Variants in SYT1 observed in about 807,000 individuals in gnomAD.
SYT1 encodes the protein synaptotagmin-1.
Under a neutral mutation model 44.8 loss-of-function variants are expected in SYT1, and 8 were observed. The ratio of observed to expected loss-of-function variants is 0.18; its 90% confidence interval spans 0.10 to 0.32. The LOEUF is 0.32. SYT1 is among the 10% of genes least tolerant of loss of function. The probability of loss-of-function intolerance (pLI) is 1.00; values close to 1 mark genes in which losing one functional copy is unlikely to be tolerated. For missense variants in SYT1, 286 were observed against 509.3 expected, an observed-to-expected ratio of 0.56 and a Z score of 4.22; for synonymous variants, 154 against 188.8, an observed-to-expected ratio of 0.82 and a Z score of 1.51.
Position 79,231,934 on chromosome 12 carries a change from G to A in SYT1, c.166+14249G>A, listed in dbSNP as rs528635939. 2.6e-5 allele frequency among the ~76,000 whole-genome samples: 4 copies of A among 152,264 alleles called. No homozygotes were observed. In the East Asian group the frequency reaches 7.7e-4, roughly 29 times the overall value. ...ATTAGCAACTAACCGAGGTTCAGGA[G>A]AACATTGTTTGCTATGGTGAGCATC... On this transcript the variant is annotated intron_variant, in intron 4 of 10. Transcript: ENST00000261205.
chr12:78,906,381 T>A lies in SYT1; in HGVS notation c.-217+41272T>A, dbSNP rs540507970. Among the ~76,000 whole-genome samples the A allele has an allele frequency of 3.9e-5, 6 of 152,230 alleles. No individual in the cohort carries two copies. The South Asian group carries it at 1.0e-3, about 26-fold the overall frequency. ...TGGTGAGTACCTGCCAAGTACCTGA[T>A]TCTAAGGGCTGAAGATATAGCAGTG... On this transcript the variant is annotated intron_variant, in intron 1 of 10. Transcript: ENST00000261205.
intron 1 of SYT1, among the ~76,000 whole-genome samples, chr12:78,921,675 A>T (rs1877010797): frequency 6.6e-6 from 1 of 151,990 alleles, no homozygotes; most frequent in African/African-American, 2.4e-5. Flanking sequence ...TGCTGCCTTG[A>T]CACAGTCATA....
At chr12:79,122,156 C>T (rs991033802) in intron 3 of SYT1, among the ~76,000 whole-genome samples, 5 of 152,080 alleles carry the variant, frequency 3.3e-5, no homozygotes, top group East Asian at 1.9e-4. Context: ...CTTCATCACT[C>T]GTATAATTAG....
At chr12:78,911,111 T>C (rs1267344967) in intron 1 of SYT1, among the ~76,000 whole-genome samples, 1 of 152,008 alleles carries the variant, frequency 6.6e-6, no homozygotes, top group Non-Finnish European at 1.5e-5. Flanking sequence ...GCTTCAGTGT[T>C]GTAAATAGGT....
At chr12:79,223,852 G>T (rs528625068) in intron 4 of SYT1, among the ~76,000 whole-genome samples, 29 of 152,282 alleles carry the variant, frequency 1.9e-4, no homozygotes, top group African/African-American at 6.7e-4. Context: ...GTTTTACTGT[G>T]CAGTTGCAAT....
chr12:79,301,368 A>T (rs1880143553), intron 8 of SYT1, among the ~76,000 whole-genome samples: 1 of 152,172 alleles, frequency 6.6e-6, no homozygotes, highest in South Asian at 2.1e-4. Flanking sequence ...AATGTGGACC[A>T]TTGAGCAAGT....
At chr12:79,082,196 T>C (rs1877081178) in intron 3 of SYT1, among the ~76,000 whole-genome samples, 2 of 152,120 alleles carry the variant, frequency 1.3e-5, no homozygotes, top group Non-Finnish European at 2.9e-5. Flanking sequence ...TTTTCAGAGT[T>C]TTGTCATTTT....
chr12:79,398,491 A>G (rs752840959), intron 9 of SYT1, among the ~76,000 whole-genome samples: 1 of 152,212 alleles, frequency 6.6e-6, no homozygotes, highest in Non-Finnish European at 1.5e-5. Context: ...GACATAAAAT[A>G]TGTAATAGGA....
intron 9 of SYT1, among the ~76,000 whole-genome samples, chr12:79,399,670 G>T (rs976036797): frequency 6.6e-6 from 1 of 152,128 alleles, no homozygotes; most frequent in Non-Finnish European, 1.5e-5. Flanking sequence ...TCATGTAGAA[G>T]ATATTACAGA....
chr12:79,178,496 C>G (rs1287236142), intron 3 of SYT1, among the ~76,000 whole-genome samples: 2 of 151,954 alleles, frequency 1.3e-5, no homozygotes, highest in East Asian at 3.9e-4. Context: ...CACTTTGTAC[C>G]TTGCCTGTTC....
chr12:79,150,192 G>A (rs184486352), intron 3 of SYT1, among the ~76,000 whole-genome samples: 15 of 152,100 alleles, frequency 9.9e-5, no homozygotes, highest in South Asian at 2.1e-4. Context: ...ATTTTGAACC[G>A]TACATTATTA....
At chr12:78,975,985 C>T (rs1868803427) in intron 1 of SYT1, among the ~76,000 whole-genome samples, 1 of 152,148 alleles carries the variant, frequency 6.6e-6, no homozygotes, top group South Asian at 2.1e-4. Flanking sequence ...GCTCAATATT[C>T]TAAAGGACAC....
At chr12:79,050,652 A>C (rs1565782195) in intron 3 of SYT1, among the ~76,000 whole-genome samples, 1 of 152,092 alleles carries the variant, frequency 6.6e-6, no homozygotes, top group Non-Finnish European at 1.5e-5. Context: ...AAAGTGTGAC[A>C]ACTATTAACA....
intron 3 of SYT1, among the ~76,000 whole-genome samples, chr12:79,211,562 G>A (rs958101228): frequency 1.3e-5 from 2 of 151,304 alleles, no homozygotes; most frequent in East Asian, 1.9e-4. Flanking sequence ...CTAGCATTAG[G>A]TATATCTCCC....
intron 9 of SYT1, chr12:79,419,110 T>C: frequency 2.7e-6 from 1 of 374,136 alleles, no homozygotes; most frequent in South Asian, 2.0e-5. Flanking sequence ...TCTTACTTAT[T>C]TTAGGCAAAA....
intron 1 of SYT1, chr12:78,955,436 A>G (rs1300895803): frequency 1.3e-5 from 2 of 152,120 alleles, no homozygotes; most frequent in African/African-American, 4.8e-5. Flanking sequence ...GGTAATTTAT[A>G]AATAACAGAA....
chr12:79,280,418 C>G (rs1244917639), intron 4 of SYT1, among the ~76,000 whole-genome samples: 1 of 152,010 alleles, frequency 6.6e-6, no homozygotes, highest in East Asian at 1.9e-4. Context: ...TCCTATTCAA[C>G]AAATGGTGCT....
At chr12:79,307,808 C>G (rs1431042848) in intron 8 of SYT1, among the ~76,000 whole-genome samples, 1 of 152,216 alleles carries the variant, frequency 6.6e-6, no homozygotes, top group African/African-American at 2.4e-5. Context: ...GCTGAACTGG[C>G]CTCACCTCAT....
At chr12:78,910,144 C>T (rs1876235860) in intron 1 of SYT1, among the ~76,000 whole-genome samples, 1 of 151,928 alleles carries the variant, frequency 6.6e-6, no homozygotes, top group Non-Finnish European at 1.5e-5. Flanking sequence ...GAACTATTTA[C>T]CTACTAGGTT....
Sources: allele counts gnomAD v4.1 joint callset (sites outside exome capture counted in the v4.1 genomes callset), GRCh38; gene constraint gnomAD v4.1.1; transcripts MANE v1.5; gene names NCBI Gene and HGNC (gene_info 2026-07-23, HGNC 2026-07-21).